The following YWHAE variants were observed in gnomAD, a reference collection of about 807,000 sequenced individuals.
The protein encoded by YWHAE is 14-3-3 protein epsilon.
In YWHAE, 4 loss-of-function variants were observed where a neutral mutation model predicts 30.1. The ratio of observed to expected loss-of-function variants is 0.13; its 90% CI spans 0.07 to 0.30. YWHAE has a LOEUF of 0.30. Among genes scored for constraint, YWHAE ranks in the 10% least tolerant of loss-of-function variants. The pLI is 1.00. For synonymous variants in YWHAE, 118 were observed against 111.8 expected (o/e 1.06, Z -0.35); for missense variants, 121 against 315.9 (o/e 0.38, Z 4.68).
intron 5 of YWHAE, among the ~76,000 whole-genome samples, chr17:1,350,917 G>A (rs2072620998): frequency 6.6e-6 from 1 of 151,002 alleles, no homozygotes; most frequent in Non-Finnish European, 1.5e-5. Context: ...AAACTAGCTG[G>A]GTATGGTGGC....
intron 1 of YWHAE, among the ~76,000 whole-genome samples, chr17:1,379,439 C>T (rs2073172296): frequency 6.6e-6 from 1 of 152,150 alleles, no homozygotes; most frequent in African/African-American, 2.4e-5. Context: ...GAGCTGTGAT[C>T]ACGCCACTGC....
chr17:1,394,445 A>AAAACAAAAAAAAAAAAAAAAC (rs2073434625), intron 1 of YWHAE, among the ~76,000 whole-genome samples: 2 of 142,588 alleles, frequency 1.4e-5, no homozygotes, highest in African/African-American at 5.9e-5. Context: ...ACAAAAAAAA[A>AAAACAAAAAAAAAAAAAAAAC]AAAAAAAAAA....
chr17:1,383,751 T>C (rs1055600771), intron 1 of YWHAE, among the ~76,000 whole-genome samples: 1 of 152,090 alleles, frequency 6.6e-6, no homozygotes, highest in African/African-American at 2.4e-5. Context: ...CAATCGTAAG[T>C]TGCTAGTATT....
chr17:1,382,837 C>T lies in YWHAE; in HGVS notation c.64+17210G>A, dbSNP rs1244287054. 4.6e-5 allele frequency among the ~76,000 whole-genome samples: 7 copies of T among 151,946 alleles called. No individual in the cohort carries two copies. The South Asian group carries it at 6.2e-4, about 13-fold the overall frequency. ...GTCAGGAGATCGAGACCAGCCTGGC[C>T]AACCTGGCGAAACCCCATCTCTACT... On this transcript the variant is annotated intron_variant, in intron 1 of 5. Coordinates refer to ENST00000264335, the MANE Select transcript of YWHAE (RefSeq NM_006761.5).
At chr17:1,384,553 C>G (rs1442830640) in intron 1 of YWHAE, among the ~76,000 whole-genome samples, 5 of 151,558 alleles carry the variant, frequency 3.3e-5, no homozygotes, top group Admixed American at 1.3e-4. Context: ...ATTAGCCAGG[C>G]ATGGTGGCAG....
chr17:1,395,683 C>G (rs1331545479), intron 1 of YWHAE, among the ~76,000 whole-genome samples: 1 of 152,204 alleles, frequency 6.6e-6, no homozygotes, highest in African/African-American at 2.4e-5. Flanking sequence ...TACTTCTAAA[C>G]TTATTAACAA....
Position 1,400,041 on chromosome 17 carries a change from A to T in YWHAE, c.64+6T>A. On this transcript the variant is annotated splice_donor_region_variant and intron_variant, in intron 1 of 5. Transcript: ENST00000264335. ...ATTCCAGCCCCCCGTTGCCCCCCCA[A>T]CTCACCGTCGTATCGCTCAGCCTGC... 6.2e-7 allele frequency: 1 copy of T among 1,603,376 alleles called. No homozygotes were observed. Among genetic ancestry groups the T allele is most frequent in the Non-Finnish European group, 8.5e-7 (1 of 1,171,600 alleles).
At chr17:1,381,909 T>C (rs1476830263) in intron 1 of YWHAE, among the ~76,000 whole-genome samples, 1 of 48,020 alleles carries the variant, frequency 2.1e-5, no homozygotes, top group Admixed American at 3.5e-4. Flanking sequence ...CGACACTATG[T>C]CAAAAAAAAA....
At position 1,345,289 on chromosome 17, in the gene YWHAE, TAA is replaced by T. The variant is rs566935846; in HGVS notation, c.*156_*157del. ...CCTTTAAGAACTTTTGAAAACTGTT[TAA>T]AAAAAAAAAAAAAAAACCAACAGGG... On this transcript the variant is annotated 3_prime_UTR_variant, in exon 6 of 6. Coordinates refer to ENST00000264335, the MANE Select transcript of YWHAE (RefSeq NM_006761.5). 3.9e-3 allele frequency: 1,957 copies of T among 503,368 alleles called. No homozygotes were observed. The highest frequency in any genetic ancestry group is 4.2e-3 in the African/African-American group (188 of 44,332). The allele number at this position is 503,368 out of a possible 1,614,324, so 31.2% of individuals were successfully genotyped here.
chr17:1,380,110 ACTT>A, intron 1 of YWHAE, among the ~76,000 whole-genome samples: 1 of 123,332 alleles, frequency 8.1e-6, no homozygotes, highest in African/African-American at 3.5e-5. Flanking sequence ...AGAAGACTAG[ACTT>A]TTTTTTTTTT....
chr17:1,357,614 C>T (rs1266490028), intron 4 of YWHAE, among the ~76,000 whole-genome samples: 1 of 151,514 alleles, frequency 6.6e-6, no homozygotes, highest in Non-Finnish European at 1.5e-5. Context: ...CATTTTGCTA[C>T]TGCAATATTT....
chr17:1,349,201 C>A (rs1210142955), intron 5 of YWHAE, among the ~76,000 whole-genome samples: 2 of 151,760 alleles, frequency 1.3e-5, no homozygotes, highest in East Asian at 3.9e-4. Flanking sequence ...TATTGCCAGG[C>A]GTGGTGGTGG....
intron 4 of YWHAE, among the ~76,000 whole-genome samples, chr17:1,358,340 C>T (rs1008141743): frequency 1.3e-5 from 2 of 152,042 alleles, no homozygotes; most frequent in Non-Finnish European, 2.9e-5. Flanking sequence ...CCCAGGTTCA[C>T]GCCATTCTCC....
intron 1 of YWHAE, among the ~76,000 whole-genome samples, chr17:1,377,105 G>A (rs1567975071): frequency 6.6e-6 from 1 of 151,916 alleles, no homozygotes; most frequent in Non-Finnish European, 1.5e-5. Flanking sequence ...GTAAAGACAG[G>A]GTTTCACCAT....
chr17:1,346,591 T>C (rs1439935579), intron 5 of YWHAE, among the ~76,000 whole-genome samples: 1 of 152,224 alleles, frequency 6.6e-6, no homozygotes, highest in African/African-American at 2.4e-5. Context: ...AAGGTTTCAG[T>C]AGTTTTCAAA....
chr17:1,360,584 A>G (rs2072849013), intron 4 of YWHAE, among the ~76,000 whole-genome samples: 1 of 151,902 alleles, frequency 6.6e-6, no homozygotes, highest in Non-Finnish European at 1.5e-5. Context: ...CAAAATGGTG[A>G]AAACACCGTC....
At chr17:1,400,026 C>T (rs2073543905) in intron 1 of YWHAE, 21 bp downstream of exon 1, 2 of 1,609,424 alleles carry the variant, frequency 1.2e-6, no homozygotes, top group Non-Finnish European at 1.7e-6. Flanking sequence ...ATTCCAGCCC[C>T]CCGTTGCCCC....
chr17:1,393,615 G>C (rs2073421545), intron 1 of YWHAE, among the ~76,000 whole-genome samples: 1 of 152,162 alleles, frequency 6.6e-6, no homozygotes, highest in Non-Finnish European at 1.5e-5. Context: ...ATTTTTAGTA[G>C]AGACTGGTTT....
intron 1 of YWHAE, among the ~76,000 whole-genome samples, chr17:1,372,657 G>C (rs148318892): frequency 2.0e-5 from 3 of 152,262 alleles, no homozygotes; most frequent in Admixed American, 1.3e-4. Context: ...GGGAGGGAGA[G>C]AGACAGGGAG....
Sources: gnomAD v4.1 joint callset for allele counts (sites outside exome capture counted in the v4.1 genomes callset) on GRCh38, gnomAD v4.1.1 for gene constraint, MANE v1.5 for transcripts, NCBI Gene and HGNC (gene_info 2026-07-23, HGNC 2026-07-21) for gene names.